RAP1B: variants seen among roughly 807,000 people sequenced by gnomAD.
RAP1B encodes RAP1B, member of RAS oncogene family.
In RAP1B, 1 loss-of-function variant was observed where a neutral mutation model predicts 27.5. The ratio of observed to expected loss-of-function variants is 0.04; its 90% CI spans 0.01 to 0.17. RAP1B has a LOEUF of 0.17. Among genes scored for constraint, RAP1B ranks in the 10% least tolerant of loss-of-function variants. The pLI, the probability that RAP1B is intolerant of heterozygous loss-of-function variation, is 1.00. For missense variants in RAP1B, 84 were observed against 214.8 expected (o/e 0.39, Z 3.81); for synonymous variants, 75 against 73.1 (o/e 1.03, Z -0.13).
intron 1 of RAP1B, among the ~76,000 whole-genome samples, chr12:68,634,595 T>TA (rs1377735640): frequency 6.6e-6 from 1 of 152,090 alleles, no homozygotes; most frequent in Non-Finnish European, 1.5e-5. Context: ...ATTTTTTTTT[T>TA]TACCTGTTTT....
intron 1 of RAP1B, among the ~76,000 whole-genome samples, chr12:68,623,976 G>A (rs572377428): frequency 3.3e-5 from 5 of 151,538 alleles, no homozygotes; most frequent in Admixed American, 2.0e-4. Context: ...AGCCGAGATT[G>A]CGCCATGGCA....
rs1874692390 is a variant in RAP1B, at chr12:68,663,100, G to C, written c.*3851G>C. 7.1e-6 allele frequency: 1 copy of C among 140,276 alleles called. No homozygotes were observed. The highest frequency in any genetic ancestry group is 2.2e-4 in the South Asian group (1 of 4,450). The allele number at this position is 140,276 out of a possible 1,614,324, so 8.7% of individuals were successfully genotyped here. On this transcript the variant is annotated 3_prime_UTR_variant, in exon 8 of 8. Transcript: ENST00000250559. The stretch of plus-strand genomic sequence containing the variant: ...TTTTTTGAGACTGAGTTTCGCTCTT[G>C]TTGCCCAGGCTGGCGTACAGTGGTG...
rs1215541538 is a variant in RAP1B at position 68,671,895 on chromosome 12, A to G, written c.*12646A>G. 1 of 152,184 alleles carries G rather than the reference A, an allele frequency of 6.6e-6. No individual in the cohort carries two copies. Among genetic ancestry groups the G allele is most frequent in the Non-Finnish European group, 1.5e-5 (1 of 68,034 alleles). 9.4% of individuals were successfully genotyped at this position (152,184 alleles called of 1,614,324 possible). A position where few individuals can be genotyped will look rare whatever the true frequency, so the allele number is the denominator to read the frequency against. On this transcript the variant is annotated 3_prime_UTR_variant, in exon 8 of 8. Transcript: ENST00000250559. ...CATTAATAAAAATTATGGTGCTGGCAACAGTATCATGGATGACTGTATTAT... is the reference window on the plus strand; with the variant it reads ...CATTAATAAAAATTATGGTGCTGGCGACAGTATCATGGATGACTGTATTAT...
At chr12:68,646,373 G>A (rs192169494) in intron 1 of RAP1B, among the ~76,000 whole-genome samples, 1 of 151,726 alleles carries the variant, frequency 6.6e-6, no homozygotes, top group East Asian at 1.9e-4. Flanking sequence ...TCAGCTTACT[G>A]CAACCTCCAC....
At position 68,654,095 on chromosome 12, in the gene RAP1B, C is replaced by T; in HGVS notation, c.184-17C>T. On this transcript the variant is annotated splice_polypyrimidine_tract_variant and intron_variant, in intron 4 of 7. Transcript: ENST00000250559. ...AAAACATTATTGTTTTTTAACGTTC[C>T]TTTCTTTCTATTGTAGGAGCAATTT... The T allele has an allele frequency of 6.4e-7, 1 of 1,563,812 alleles. No individual in the cohort carries two copies. The highest frequency in any genetic ancestry group is 8.8e-7 in the Non-Finnish European group (1 of 1,141,826).
intron 1 of RAP1B, chr12:68,626,744 A>G: frequency 1.2e-6 from 1 of 851,804 alleles, no homozygotes; most frequent in South Asian, 1.5e-5. Flanking sequence ...CTTAAGGAAG[A>G]GGGAAGGTAG....
intron 1 of RAP1B, chr12:68,642,628 GTTC>G: frequency 9.6e-7 from 1 of 1,041,584 alleles, no homozygotes; most frequent in South Asian, 1.3e-5. Context: ...ATGGAATTAA[GTTC>G]TTCATCTTCT....
At chr12:68,657,636 G>C (rs1874298767) in intron 7 of RAP1B, 1 of 157,926 alleles carries the variant, frequency 6.3e-6, no homozygotes, top group Admixed American at 6.5e-5. Flanking sequence ...TCAATCTCTT[G>C]ACCTCGTGAT....
intron 1 of RAP1B, among the ~76,000 whole-genome samples, chr12:68,646,718 G>A (rs1873436592): frequency 6.6e-6 from 1 of 152,242 alleles, no homozygotes; most frequent in Non-Finnish European, 1.5e-5. Context: ...CTTTGGAGCA[G>A]CAATAATGAA....
chr12:68,625,076 G>C (rs1404221726), intron 1 of RAP1B, among the ~76,000 whole-genome samples: 1 of 152,110 alleles, frequency 6.6e-6, no homozygotes, highest in African/African-American at 2.4e-5. Flanking sequence ...ATGTTTTTTG[G>C]ATACCGTCTT....
chr12:68,655,983 TGTCTTATTTATGTCTACATTGACTAG>T (rs1250139170), intron 5 of RAP1B, among the ~76,000 whole-genome samples: 2 of 152,144 alleles, frequency 1.3e-5, no homozygotes, highest in Non-Finnish European at 2.9e-5. Context: ...TATGTAAAAG[TGTCTTATTTATGTCTACATTGACTAG>T]GTTGTGTTCA....
intron 1 of RAP1B, among the ~76,000 whole-genome samples, chr12:68,618,662 C>A (rs189578020): frequency 1.1e-4 from 16 of 152,288 alleles, no homozygotes; most frequent in Non-Finnish European, 2.4e-4. Flanking sequence ...GATAAAACTT[C>A]TGGCGCTTTA....
At chr12:68,650,323 C>G in intron 2 of RAP1B, 77 bp from the exon 3 acceptor site, 6 of 1,284,432 alleles carry the variant, frequency 4.7e-6, no homozygotes, top group Non-Finnish European at 6.2e-6. Flanking sequence ...CCTGTGTGAA[C>G]TCAGTTTACA....
chr12:68,625,484 T>A (rs1228635361), intron 1 of RAP1B, among the ~76,000 whole-genome samples: 1 of 152,248 alleles, frequency 6.6e-6, no homozygotes, highest in African/African-American at 2.4e-5. Flanking sequence ...GTTACTTGGT[T>A]AATTTTTCTC....
rs987061196 is a variant in RAP1B, at chr12:68,657,292, T to C, written c.*30+75T>C. 8 of 880,316 alleles carry C rather than the reference T, an allele frequency of 9.1e-6. No homozygotes were observed. The African/African-American group carries it at 1.4e-4, about 15-fold the overall frequency. The allele number at this position is 880,316 out of a possible 1,614,324, so 54.5% of individuals were successfully genotyped here. On this transcript the variant is annotated intron_variant, in intron 7 of 7. Coordinates refer to ENST00000250559, the MANE Select transcript of RAP1B (RefSeq NM_001010942.3). ...GGGCACTCTGTCATGAAAGCAAGTA[T>C]AGACTTCTTTTTGTTGGTTCTGAAA...
At chr12:68,615,194 T>A (rs1172702914) in intron 1 of RAP1B, among the ~76,000 whole-genome samples, 1 of 151,788 alleles carries the variant, frequency 6.6e-6, no homozygotes, top group Non-Finnish European at 1.5e-5. Context: ...CAACTGATTA[T>A]TTAAGCAGTA....
At chr12:68,654,525 A>C (rs1208783453) in intron 5 of RAP1B, among the ~76,000 whole-genome samples, 2 of 149,526 alleles carry the variant, frequency 1.3e-5, no homozygotes, top group Non-Finnish European at 3.0e-5. Context: ...GGAGTCTTGC[A>C]CTGTTGCCCA....
In RAP1B at chr12:68,667,590, CATTT is replaced by C. The variant is rs1489586581; in HGVS notation, c.*8345_*8348del. 1 of 152,082 alleles carries C rather than the reference CATTT, an allele frequency of 6.6e-6. No individual in the cohort carries two copies. Among genetic ancestry groups the C allele is most frequent in the Non-Finnish European group, 1.5e-5 (1 of 68,016 alleles). The allele number at this position is 152,082 out of a possible 1,614,324, so 9.4% of individuals were successfully genotyped here. ...GGCTTCTCCAGATAGCCTTTTTATC[CATTT>C]ATTATTTCAAGTAATGGTATAAGGA... On this transcript the variant is annotated 3_prime_UTR_variant, in exon 8 of 8. Transcript: ENST00000250559.
Position 68,626,992 on chromosome 12 carries a change from T to C in RAP1B, c.-27+15949T>C. On this transcript the variant is annotated intron_variant, in intron 1 of 7. Coordinates refer to ENST00000250559, the MANE Select transcript of RAP1B (RefSeq NM_001010942.3). ...TCTTCAAACTCATTGGCATTGAACT[T>C]GGTGAAGCCCCACTTCTTTGAGATG... The C allele has an allele frequency of 3.2e-6, 5 of 1,551,500 alleles. No homozygotes were observed. The South Asian group carries it at 5.6e-5, about 17-fold the overall frequency.
Sources: gnomAD v4.1 joint callset for allele counts (sites outside exome capture counted in the v4.1 genomes callset) on GRCh38, gnomAD v4.1.1 for gene constraint, MANE v1.5 for transcripts, NCBI Gene and HGNC (gene_info 2026-07-23, HGNC 2026-07-21) for gene names.